EPHA5: variants seen among roughly 807,000 people sequenced by gnomAD.
EPHA5 encodes ephrin type-A receptor 5.
Under a neutral mutation model 105.0 loss-of-function variants are expected in EPHA5, and 60 were observed. The ratio of observed to expected loss-of-function variants is 0.57; its 90% confidence interval spans 0.46 to 0.71. The LOEUF is 0.71. EPHA5 is among the 30% of genes least tolerant of loss of function. The pLI is 0.00. For missense variants in EPHA5, 1,218 were observed against 1,274.7 expected, an observed-to-expected ratio of 0.96 and a Z score of 0.68; for synonymous variants, 513 against 449.1, an observed-to-expected ratio of 1.14 and a Z score of -1.80.
chr4:65,439,303 A>G (rs988621123), intron 5 of EPHA5, among the ~76,000 whole-genome samples: 6 of 152,144 alleles, frequency 3.9e-5, no homozygotes, highest in African/African-American at 1.4e-4. Flanking sequence ...ACACTTTGGT[A>G]CTGCTTAGAT....
chr4:65,544,236 T>C (rs1737148065), intron 3 of EPHA5, among the ~76,000 whole-genome samples: 1 of 151,956 alleles, frequency 6.6e-6, no homozygotes, highest in African/African-American at 2.4e-5. Context: ...GGTACCTAAT[T>C]AAACTAAAGA....
chr4:65,333,364 T>G (rs942386934), intron 15 of EPHA5, among the ~76,000 whole-genome samples: 52 of 151,712 alleles, frequency 3.4e-4, no homozygotes, highest in Non-Finnish European at 7.1e-4. Context: ...GTTGAGATGG[T>G]CAATGATCTC....
intron 1 of EPHA5, among the ~76,000 whole-genome samples, chr4:65,666,452 C>G (rs1039416437): frequency 1.3e-5 from 2 of 152,170 alleles, no homozygotes; most frequent in African/African-American, 4.8e-5. Flanking sequence ...CAAAAAGTGG[C>G]AGCTACTGAA....
intron 3 of EPHA5, among the ~76,000 whole-genome samples, chr4:65,600,647 G>T (rs1374827818): frequency 6.6e-6 from 1 of 152,114 alleles, no homozygotes; most frequent in Non-Finnish European, 1.5e-5. Flanking sequence ...TACCAGGTGG[G>T]ACTAAGGGGC....
At chr4:65,547,257 T>C (rs569348232) in intron 3 of EPHA5, among the ~76,000 whole-genome samples, 3 of 143,358 alleles carry the variant, frequency 2.1e-5, no homozygotes, top group East Asian at 4.1e-4. Context: ...CAGTTGCCTA[T>C]ACATCAAATG....
In EPHA5 at chr4:65,456,721, T is replaced by TACACAC. The variant is rs71604535; in HGVS notation, c.1402+33655_1402+33656insGTGTGT. Among the ~76,000 whole-genome samples, 470 of 123,944 alleles carry TACACAC rather than the reference T, an allele frequency of 3.8e-3. 1 individual carries two copies. The highest frequency in any genetic ancestry group is 9.8e-3 in the South Asian group (34 of 3,474). 81.3% of individuals were successfully genotyped at this position (123,944 alleles called of 152,430 possible). A position where few individuals can be genotyped will look rare whatever the true frequency, so the allele number is the denominator to read the frequency against. On this transcript the variant is annotated intron_variant, in intron 5 of 16. Transcript: ENST00000613740. Reference sequence around the variant, plus strand: ...GTGGAAAAATCATACAAAATAAACATATACACACACACACACACACATACA... The same window carrying TACACAC: ...GTGGAAAAATCATACAAAATAAACATACACACATACACACACACACACACACATACA...
rs1257886289 is a variant in EPHA5 at position 65,348,809 on chromosome 4, A to ATT, written c.2446-607_2446-606insAA. ...TGTGTGTGTGTATATATATATATATATATATATTTTTTTTTTTTTTTTTTG... is the reference window on the plus strand; with the variant it reads ...TGTGTGTGTGTATATATATATATATATTTATATATTTTTTTTTTTTTTTTTTG... On this transcript the variant is annotated intron_variant, in intron 13 of 16. Coordinates refer to ENST00000613740, the MANE Select transcript of EPHA5 (RefSeq NM_001281766.3). Among the ~76,000 whole-genome samples, 3 of 54,878 alleles carry ATT rather than the reference A, an allele frequency of 5.5e-5. 1 individual carries two copies. The Admixed American group carries it at 7.2e-4, about 13-fold the overall frequency. 36.0% of individuals were successfully genotyped at this position (54,878 alleles called of 152,430 possible).
At chr4:65,348,785 G>A (rs1189988621) in intron 13 of EPHA5, among the ~76,000 whole-genome samples, 1 of 41,124 alleles carries the variant, frequency 2.4e-5, no homozygotes, top group African/African-American at 6.3e-5. Flanking sequence ...GTGCATGTGT[G>A]TGTGTGTGTA....
At chr4:65,581,321 C>T (rs1023020842) in intron 3 of EPHA5, among the ~76,000 whole-genome samples, 4 of 151,574 alleles carry the variant, frequency 2.6e-5, no homozygotes, top group African/African-American at 7.3e-5. Context: ...AATAAACTTC[C>T]GTTTGTTTTT....
chr4:65,604,112 T>C (rs535640057), intron 2 of EPHA5, among the ~76,000 whole-genome samples: 26 of 152,382 alleles, frequency 1.7e-4, no homozygotes, highest in Admixed American at 1.2e-3. Flanking sequence ...TTTTTTGCCT[T>C]GAATCACTTA....
intron 12 of EPHA5, 139 bp downstream of exon 12, chr4:65,352,903 C>T (rs919516976): frequency 2.5e-6 from 1 of 404,278 alleles, no homozygotes; most frequent in East Asian, 4.8e-5. Flanking sequence ...TATTGTGGCT[C>T]CATAAATTTC....
At chr4:65,354,687 C>T (rs1265463939) in intron 11 of EPHA5, among the ~76,000 whole-genome samples, 2 of 151,716 alleles carry the variant, frequency 1.3e-5, no homozygotes, top group East Asian at 3.9e-4. Context: ...CATAGAATGA[C>T]AGCTTGCATA....
rs2149037162 is a variant in EPHA5 at position 65,420,526 on chromosome 4, G to T, written c.1442C>A (p.Ala481Glu). 8 of 1,612,522 alleles carry T rather than the reference G, an allele frequency of 5.0e-6. No individual in the cohort carries two copies. The highest frequency in any genetic ancestry group is 6.8e-6 in the Non-Finnish European group (8 of 1,179,220). Reference protein sequence around the residue: ...PVTNVKKGKIAKNSISLSWQE... With the variant: ...PVTNVKKGKIEKNSISLSWQE... Reference sequence around the variant, plus strand: ...CCAAGACAAAGAGATGCTGTTTTTTGCAATTTTCCCTTTTTTCACATTGGT... The same window carrying T: ...CCAAGACAAAGAGATGCTGTTTTTTTCAATTTTCCCTTTTTTCACATTGGT... The change falls in exon 6 of 17, where the codon GCA becomes GAA. Residue 481 changes from alanine (A) to glutamate (E), a missense_variant. Coordinates refer to ENST00000613740, the MANE Select transcript of EPHA5 (RefSeq NM_001281766.3).
chr4:65,482,967 C>T (rs965107042), intron 5 of EPHA5, among the ~76,000 whole-genome samples: 1 of 151,772 alleles, frequency 6.6e-6, no homozygotes, highest in Middle Eastern at 3.2e-3. Context: ...CCCATTGACT[C>T]GTCATTTACA....
At chr4:65,372,577 T>A (rs1384694722) in intron 8 of EPHA5, among the ~76,000 whole-genome samples, 1 of 151,850 alleles carries the variant, frequency 6.6e-6, no homozygotes, top group African/African-American at 2.4e-5. Flanking sequence ...TTACTAAATA[T>A]TTTCAGATAT....
At chr4:65,445,380 TG>T (rs1726416963) in intron 5 of EPHA5, among the ~76,000 whole-genome samples, 1 of 151,824 alleles carries the variant, frequency 6.6e-6, no homozygotes. Flanking sequence ...TATTCATCAG[TG>T]TTTAAGAGCA....
intron 8 of EPHA5, among the ~76,000 whole-genome samples, chr4:65,383,940 A>T (rs1327638886): frequency 2.0e-5 from 3 of 151,822 alleles, no homozygotes; most frequent in Non-Finnish European, 2.9e-5. Flanking sequence ...ACACTATCAT[A>T]TTCTGGAAAA....
chr4:65,532,313 TA>T (rs1200362903), intron 3 of EPHA5, among the ~76,000 whole-genome samples: 2 of 152,074 alleles, frequency 1.3e-5, no homozygotes, highest in Non-Finnish European at 2.9e-5. Flanking sequence ...ATTTCACACT[TA>T]ACTATCGTCA....
intron 3 of EPHA5, among the ~76,000 whole-genome samples, chr4:65,592,255 T>C (rs551662284): frequency 6.6e-6 from 1 of 152,102 alleles, no homozygotes; most frequent in Admixed American, 6.6e-5. Flanking sequence ...ATTAAAAATG[T>C]CTGGCAATGT....
Sources: allele counts gnomAD v4.1 joint callset (sites outside exome capture counted in the v4.1 genomes callset), GRCh38; gene constraint gnomAD v4.1.1; transcripts MANE v1.5; gene names NCBI Gene and HGNC (gene_info 2026-07-23, HGNC 2026-07-21).